The following SEPTIN9 variants were observed in gnomAD, a reference collection of about 807,000 sequenced individuals.
SEPTIN9 encodes the protein septin-9.
In SEPTIN9, 13 loss-of-function variants were observed where a neutral mutation model predicts 56.6. That is an observed-to-expected ratio of 0.23 (90% CI 0.15 to 0.37). The LOEUF (loss-of-function observed/expected upper bound fraction) is 0.37, where lower values mean the gene tolerates loss of function less well. Among genes scored for constraint, SEPTIN9 ranks in the 10% least tolerant of loss-of-function variants. The probability of loss-of-function intolerance (pLI) is 1.00; values close to 1 mark genes in which losing one functional copy is unlikely to be tolerated. For synonymous variants in SEPTIN9, 332 were observed against 334.1 expected, an observed-to-expected ratio of 0.99 and a Z score of 0.07; for missense variants, 650 against 823.1, an observed-to-expected ratio of 0.79 and a Z score of 2.57.
At chr17:77,426,326 G>A (rs116275712) in intron 3 of SEPTIN9, among the ~76,000 whole-genome samples, 271 of 152,210 alleles carry the variant, frequency 1.8e-3, no homozygotes, top group African/African-American at 6.2e-3. Flanking sequence ...TGATGATGGT[G>A]TAAAGGGTGC....
At chr17:77,339,889 T>C (rs2033673993) in intron 2 of SEPTIN9, among the ~76,000 whole-genome samples, 1 of 150,234 alleles carries the variant, frequency 6.7e-6, no homozygotes, top group Non-Finnish European at 1.5e-5. Context: ...GCAGCAGCGC[T>C]ATCTCAGCTC....
At chr17:77,364,700 C>A (rs1046609186) in intron 2 of SEPTIN9, among the ~76,000 whole-genome samples, 1 of 152,222 alleles carries the variant, frequency 6.6e-6, no homozygotes. Flanking sequence ...GGGGCAGAGA[C>A]GGGCAGGGGT....
chr17:77,392,349 C>T (rs953935128), intron 2 of SEPTIN9, among the ~76,000 whole-genome samples: 1 of 152,190 alleles, frequency 6.6e-6, no homozygotes, highest in East Asian at 1.9e-4. Flanking sequence ...GTGGCTCTTC[C>T]CTGGGTGCTG....
At chr17:77,455,598 C>T (rs987962061) in intron 3 of SEPTIN9, among the ~76,000 whole-genome samples, 1 of 152,214 alleles carries the variant, frequency 6.6e-6, no homozygotes, top group Non-Finnish European at 1.5e-5. Flanking sequence ...GTGGGTGGCA[C>T]ATCCACTGGG....
At chr17:77,442,884 TA>T (rs200357539) in intron 3 of SEPTIN9, among the ~76,000 whole-genome samples, 1,368 of 131,514 alleles carry the variant, frequency 0.01, 19 homozygotes, top group South Asian at 0.048. Flanking sequence ...AAAAAACAAA[TA>T]AAAAAAAAAA....
intron 3 of SEPTIN9, among the ~76,000 whole-genome samples, chr17:77,430,735 A>T (rs571950492): frequency 2.0e-5 from 3 of 152,322 alleles, no homozygotes; most frequent in African/African-American, 7.2e-5. Flanking sequence ...TCACGCATGT[A>T]ATCCCAACAC....
At chr17:77,383,178 C>CTCTTTCTCTCCCTCCG (rs1568027141) in intron 2 of SEPTIN9, among the ~76,000 whole-genome samples, 1 of 101,160 alleles carries the variant, frequency 9.9e-6, no homozygotes, top group African/African-American at 4.5e-5. Flanking sequence ...CTCTCCCTCC[C>CTCTTTCTCTCCCTCCG]TCCTTCTCTC....
intron 3 of SEPTIN9, chr17:77,454,267 G>C: frequency 2.0e-6 from 2 of 985,540 alleles, no homozygotes; most frequent in Non-Finnish European, 2.4e-6. Context: ...CTTCCTGAGG[G>C]ACTTGTGGCC....
intron 3 of SEPTIN9, among the ~76,000 whole-genome samples, chr17:77,460,422 C>T (rs2038416403): frequency 6.6e-6 from 1 of 152,150 alleles, no homozygotes; most frequent in Non-Finnish European, 1.5e-5. Context: ...GACCCAGCTG[C>T]TGAAGTTATC....
intron 1 of SEPTIN9, 79 bp from the exon 2 acceptor site, chr17:77,307,062 A>C: frequency 1.5e-6 from 2 of 1,328,786 alleles, no homozygotes; most frequent in Non-Finnish European, 2.2e-6. Flanking sequence ...AGGCGAGGAC[A>C]TTCCTGGTGT....
rs892024330 is a variant in SEPTIN9, at chr17:77,451,975, G to A, written c.722-30169G>A. Among the ~76,000 whole-genome samples the A allele has an allele frequency of 3.9e-5, 6 of 152,330 alleles. No homozygotes were observed. Among genetic ancestry groups the A allele is most frequent in the South Asian group, 4.1e-4 (2 of 4,832 alleles). On this transcript the variant is annotated intron_variant, in intron 3 of 11. Transcript: ENST00000427177. This position sits in a 1 kb window ranked among gnomAD's most constrained non-coding sequence, Gnocchi z 4.2. ...CACCCCTCTGGGCTCCCGAAGACCGGCTGGCTGGAGGCTGGAGATAGTCTC... is the reference window on the plus strand; with the variant it reads ...CACCCCTCTGGGCTCCCGAAGACCGACTGGCTGGAGGCTGGAGATAGTCTC...
intron 1 of SEPTIN9, among the ~76,000 whole-genome samples, chr17:77,295,671 G>C (rs2031777869): frequency 6.6e-6 from 1 of 152,124 alleles, no homozygotes; most frequent in South Asian, 2.1e-4. Context: ...ACCCACACAG[G>C]ATGTGCAAAC....
chr17:77,482,722 C>T, intron 4 of SEPTIN9: 1 of 590,368 alleles, frequency 1.7e-6, no homozygotes, highest in Non-Finnish European at 3.0e-6. Context: ...CACCCCACCG[C>T]ACCCCGGCCA....
At chr17:77,320,168 G>T in intron 2 of SEPTIN9, 13 of 1,543,658 alleles carry the variant, frequency 8.4e-6, no homozygotes, top group Non-Finnish European at 1.1e-5. Flanking sequence ...ATTCGTGATT[G>T]CAACAGATTG....
chr17:77,451,485 C>A lies in SEPTIN9; in HGVS notation c.722-30659C>A, dbSNP rs1236485020. On this transcript the variant is annotated intron_variant, in intron 3 of 11. Coordinates refer to ENST00000427177, the MANE Select transcript of SEPTIN9 (RefSeq NM_001113491.2). The surrounding 1 kb of genome is among the most constrained non-coding windows in gnomAD (Gnocchi z 4.2). Reference sequence around the variant, plus strand: ...GCCATGTGACCCGGTGGGCGGGCCGCGGCTCTCGGCGCGTCCAGCGCAGCC... The same window carrying A: ...GCCATGTGACCCGGTGGGCGGGCCGAGGCTCTCGGCGCGTCCAGCGCAGCC... The A allele has an allele frequency of 3.0e-6, 3 of 985,806 alleles. No individual in the cohort carries two copies. In the South Asian group the frequency reaches 1.4e-4, roughly 46 times the overall value. 61.1% of individuals were successfully genotyped at this position (985,806 alleles called of 1,614,324 possible). A position where few individuals can be genotyped will look rare whatever the true frequency, so the allele number is the denominator to read the frequency against.
intron 2 of SEPTIN9, among the ~76,000 whole-genome samples, chr17:77,355,752 G>A (rs1196678479): frequency 6.6e-6 from 1 of 152,018 alleles, no homozygotes; most frequent in African/African-American, 2.4e-5. Flanking sequence ...GGAGGCCGAG[G>A]TGGGCGGATC....
Position 77,369,894 on chromosome 17 carries a change from A to C in SEPTIN9, c.77-32165A>C, listed in dbSNP as rs1475606873. Reference sequence around the variant, plus strand: ...TCCCCACTCCGTTCCCACGCTTTGTAAGCTTCATTTCCCCGGGGCCTGACC... The same window carrying C: ...TCCCCACTCCGTTCCCACGCTTTGTCAGCTTCATTTCCCCGGGGCCTGACC... On this transcript the variant is annotated intron_variant, in intron 2 of 11. Transcript: ENST00000427177. The surrounding 1 kb of genome is among the most constrained non-coding windows in gnomAD (Gnocchi z 4.9). Among the ~76,000 whole-genome samples, 3 of 152,102 alleles carry C rather than the reference A, an allele frequency of 2.0e-5. No homozygotes were observed. The highest frequency in any genetic ancestry group is 4.8e-5 in the African/African-American group (2 of 41,410).
At chr17:77,349,336 C>T (rs376172225) in intron 2 of SEPTIN9, among the ~76,000 whole-genome samples, 2 of 152,218 alleles carry the variant, frequency 1.3e-5, no homozygotes, top group East Asian at 3.9e-4. Context: ...AGGCTGGTCT[C>T]GAACTCCTGA....
At chr17:77,444,894 A>G (rs2037677904) in intron 3 of SEPTIN9, 2 of 344,454 alleles carry the variant, frequency 5.8e-6, no homozygotes, top group Non-Finnish European at 1.2e-5. Flanking sequence ...ACAGGGAGAA[A>G]GTTCACAGTT....
Sources: gnomAD v4.1 joint callset for allele counts (sites outside exome capture counted in the v4.1 genomes callset) on GRCh38, gnomAD v4.1.1 for gene constraint, Gnocchi (gnomAD v3.1) non-coding constraint, MANE v1.5 for transcripts, NCBI Gene and HGNC (gene_info 2026-07-23, HGNC 2026-07-21) for gene names.